The following STXBP5L variants were observed in gnomAD, a reference collection of about 807,000 sequenced individuals.
The protein encoded by STXBP5L is syntaxin-binding protein 5-like.
STXBP5L carries 65 observed loss-of-function variants against 144.5 expected under a neutral mutation model. The ratio of observed to expected loss-of-function variants is 0.45; its 90% confidence interval spans 0.37 to 0.55. STXBP5L has a LOEUF of 0.55. Ranked by LOEUF, STXBP5L falls within the 20% of genes least tolerant of loss-of-function variation. The pLI, the probability that STXBP5L is intolerant of heterozygous loss-of-function variation, is 0.00. For synonymous variants in STXBP5L, 505 were observed against 469.6 expected (o/e 1.08, Z -0.97); for missense variants, 1,298 against 1,405.5 (o/e 0.92, Z 1.22).
intron 10 of STXBP5L, among the ~76,000 whole-genome samples, chr3:121,218,088 A>G (rs968446354): frequency 9.2e-5 from 13 of 142,032 alleles, no homozygotes; most frequent in Admixed American, 6.7e-4. Context: ...ATAATATAAT[A>G]TATAGTATAA....
chr3:121,006,872 T>G (rs1228162681), intron 3 of STXBP5L, among the ~76,000 whole-genome samples: 1 of 152,186 alleles, frequency 6.6e-6, no homozygotes, highest in East Asian at 1.9e-4. Flanking sequence ...ATGTTGAATA[T>G]TGGCCCCCAC....
chr3:120,954,320 A>G (rs899100815), intron 2 of STXBP5L, among the ~76,000 whole-genome samples: 1 of 152,138 alleles, frequency 6.6e-6, no homozygotes, highest in Admixed American at 6.6e-5. Flanking sequence ...CCAAATTGCT[A>G]TGAAAATACA....
intron 2 of STXBP5L, among the ~76,000 whole-genome samples, chr3:120,926,387 G>T (rs1252801954): frequency 1.4e-5 from 2 of 141,122 alleles, no homozygotes; most frequent in Admixed American, 1.5e-4. Context: ...ACCACTCCCT[G>T]CTGGCCTATA....
At chr3:121,102,577 A>G (rs143605681) in intron 5 of STXBP5L, among the ~76,000 whole-genome samples, 3 of 152,224 alleles carry the variant, frequency 2.0e-5, no homozygotes, top group East Asian at 3.9e-4. Flanking sequence ...AGCTCTAAAT[A>G]TCAGACCTCA....
chr3:121,418,932 A>T, intron 26 of STXBP5L, 124 bp from the exon 27 acceptor site: 10 of 999,774 alleles, frequency 1.0e-5, no homozygotes, highest in African/African-American at 1.7e-5. Flanking sequence ...ACAAAATAAA[A>T]GAAGCCACTC....
intron 2 of STXBP5L, among the ~76,000 whole-genome samples, chr3:120,928,999 T>G (rs1003810615): frequency 6.6e-6 from 1 of 151,960 alleles, no homozygotes; most frequent in African/African-American, 2.4e-5. Flanking sequence ...TGGGAGAGCT[T>G]TGTGGTGAAA....
chr3:121,393,436 A>T (rs2108713143), intron 22 of STXBP5L, among the ~76,000 whole-genome samples: 1 of 152,154 alleles, frequency 6.6e-6, no homozygotes, highest in African/African-American at 2.4e-5. Flanking sequence ...CAGTTTAATT[A>T]AGTCCTATTT....
At chr3:121,372,120 A>C (rs1220958029) in intron 20 of STXBP5L, among the ~76,000 whole-genome samples, 2 of 152,116 alleles carry the variant, frequency 1.3e-5, no homozygotes, top group Admixed American at 6.5e-5. Flanking sequence ...ACTCTGCTGG[A>C]GCACTCTGCC....
At chr3:121,010,602 GC>G (rs1470409676) in intron 3 of STXBP5L, among the ~76,000 whole-genome samples, 1 of 151,630 alleles carries the variant, frequency 6.6e-6, no homozygotes, top group Non-Finnish European at 1.5e-5. Flanking sequence ...ACCGTCAAAA[GC>G]CTGTGTACAA....
chr3:120,960,919 A>T (rs1283246884), intron 3 of STXBP5L, among the ~76,000 whole-genome samples: 1 of 152,026 alleles, frequency 6.6e-6, no homozygotes, highest in Non-Finnish European at 1.5e-5. Flanking sequence ...TAAAAAAAAA[A>T]GGAATTCAGC....
intron 9 of STXBP5L, among the ~76,000 whole-genome samples, chr3:121,203,539 G>A (rs562979258): frequency 6.6e-5 from 10 of 152,120 alleles, no homozygotes; most frequent in East Asian, 1.9e-4. Flanking sequence ...TATAATTGTC[G>A]ATAATGTTGT....
At chr3:121,230,282 T>A (rs1052362133) in intron 11 of STXBP5L, among the ~76,000 whole-genome samples, 4 of 152,152 alleles carry the variant, frequency 2.6e-5, no homozygotes, top group African/African-American at 9.7e-5. Flanking sequence ...GGCATTCCCA[T>A]CAAATCAACA....
At chr3:121,223,964 AAAAAGTGAG>A (rs2049046057) in intron 11 of STXBP5L, among the ~76,000 whole-genome samples, 1 of 152,104 alleles carries the variant, frequency 6.6e-6, no homozygotes, top group Admixed American at 6.6e-5. Context: ...AAATAAATCT[AAAAAGTGAG>A]AAAAGTGAAA....
At chr3:121,177,676 G>T (rs766207692) in intron 9 of STXBP5L, among the ~76,000 whole-genome samples, 4 of 152,170 alleles carry the variant, frequency 2.6e-5, no homozygotes, top group South Asian at 2.1e-4. Context: ...TGCACTGTTG[G>T]TGCAAATTTA....
chr3:120,909,668 T>G lies in STXBP5L; in HGVS notation c.90T>G (p.Gly30=), dbSNP rs1576401197. 1 of 1,613,650 alleles carries G rather than the reference T, an allele frequency of 6.2e-7. No individual in the cohort carries two copies. The highest frequency in any genetic ancestry group is 2.2e-5 in the East Asian group (1 of 44,848). Residue 30 remains glycine (G), a synonymous_variant, in exon 2 of 27, where the codon GGT becomes GGG. Coordinates refer to ENST00000471454, the MANE Select transcript of STXBP5L (RefSeq NM_001308330.2). ...GCAGCAGTGGCAGTAACAGTGGTGG[T>G]GGGGCTGGAAGTGGTTCCGTACATC... ...SGSSSGSNSG[G]GAGSGSVHPA... is the part of the protein sequence containing the mutation.
At chr3:121,338,608 AAGAGAG>A (rs1288442739) in intron 20 of STXBP5L, among the ~76,000 whole-genome samples, 7 of 147,178 alleles carry the variant, frequency 4.8e-5, no homozygotes, top group African/African-American at 7.5e-5. Context: ...AAAAAAAAAA[AAGAGAG>A]AAAGAGAGAA....
At chr3:121,038,921 T>C (rs1946950138) in intron 3 of STXBP5L, among the ~76,000 whole-genome samples, 1 of 151,962 alleles carries the variant, frequency 6.6e-6, no homozygotes, top group African/African-American at 2.4e-5. Context: ...TATATCTTAA[T>C]TAATGTTAGC....
intron 18 of STXBP5L, among the ~76,000 whole-genome samples, chr3:121,271,502 G>A (rs2050733235): frequency 6.6e-6 from 1 of 152,088 alleles, no homozygotes; most frequent in Non-Finnish European, 1.5e-5. Flanking sequence ...CACAATAGAT[G>A]CTCATTTCTA....
At chr3:120,962,509 C>CCCA (rs1454369494) in intron 3 of STXBP5L, among the ~76,000 whole-genome samples, 73 of 149,076 alleles carry the variant, frequency 4.9e-4, no homozygotes, top group South Asian at 1.9e-3. Flanking sequence ...AGCCAGTTTT[C>CCCA]CCAGCATCAT....
Sources: allele counts gnomAD v4.1 joint callset (sites outside exome capture counted in the v4.1 genomes callset), GRCh38; gene constraint gnomAD v4.1.1; transcripts MANE v1.5; gene names NCBI Gene and HGNC (gene_info 2026-07-23, HGNC 2026-07-21).